The following CTNNA3 variants were observed in gnomAD, a reference collection of about 807,000 sequenced individuals.
CTNNA3 encodes the protein catenin alpha-3.
In CTNNA3, 76 loss-of-function variants were observed where a neutral mutation model predicts 95.7. The observed-to-expected ratio is 0.79, with a 90% CI of 0.66 to 0.96. The LOEUF is 0.96. Among genes scored for constraint, CTNNA3 ranks in the 40% least tolerant of loss-of-function variants. The pLI, the probability that CTNNA3 is intolerant of heterozygous loss-of-function variation, is 0.00. For synonymous variants in CTNNA3, 431 were observed against 374.4 expected (o/e 1.15, Z -1.74); for missense variants, 1,191 against 1,089.8 (o/e 1.09, Z -1.31).
At chr10:66,160,725 TG>T (rs2084799381) in intron 13 of CTNNA3, among the ~76,000 whole-genome samples, 1 of 152,124 alleles carries the variant, frequency 6.6e-6, no homozygotes, top group African/African-American at 2.4e-5. Context: ...TTTAATTCAT[TG>T]TTTCTTTGTT....
intron 13 of CTNNA3, among the ~76,000 whole-genome samples, chr10:66,258,155 T>A (rs1218922603): frequency 6.6e-6 from 1 of 152,206 alleles, no homozygotes; most frequent in Non-Finnish European, 1.5e-5. Context: ...CTCCCTTATG[T>A]GGATGACCCT....
At position 67,726,349 on chromosome 10, in the gene CTNNA3, GAT is replaced by G. The variant is rs1491400276; in HGVS notation, c.-2+37083_-2+37084del. ...ATCTTACATATTATATATAATATAT[GAT>G]ATATATGATATAATATATGATATTA... On this transcript the variant is annotated intron_variant, in intron 1 of 17. Coordinates refer to the CTNNA3 transcript ENST00000684154. 1.2e-4 allele frequency among the ~76,000 whole-genome samples: 5 copies of G among 41,152 alleles called. No individual in the cohort carries two copies. In the East Asian group the frequency reaches 5.7e-3, roughly 47 times the overall value. The allele number at this position is 41,152 out of a possible 152,430, so 27.0% of individuals were successfully genotyped here.
intron 13 of CTNNA3, among the ~76,000 whole-genome samples, chr10:66,165,138 T>C (rs763661847): frequency 5.3e-5 from 8 of 152,108 alleles, no homozygotes; most frequent in Non-Finnish European, 1.2e-4. Context: ...AACTGGAGGC[T>C]GCTATCCTAA....
intron 5 of CTNNA3, among the ~76,000 whole-genome samples, chr10:67,305,912 C>T (rs1449847303): frequency 1.3e-5 from 2 of 152,156 alleles, no homozygotes; most frequent in African/African-American, 4.8e-5. Context: ...TGGCATTTCA[C>T]ACCCAAAACA....
At chr10:66,283,477 A>T (rs1313289245) in intron 12 of CTNNA3, among the ~76,000 whole-genome samples, 3 of 151,832 alleles carry the variant, frequency 2.0e-5, no homozygotes, top group Non-Finnish European at 4.4e-5. Context: ...TCATGTAAAG[A>T]TCTGTTTTTC....
chr10:65,976,592 C>T (rs1403854117), intron 16 of CTNNA3, among the ~76,000 whole-genome samples: 1 of 152,000 alleles, frequency 6.6e-6, no homozygotes, highest in Non-Finnish European at 1.5e-5. Flanking sequence ...GTTTTATAAC[C>T]AAAGTAAAAC....
intron 17 of CTNNA3, among the ~76,000 whole-genome samples, chr10:65,931,310 T>C (rs2077249004): frequency 6.6e-6 from 1 of 152,206 alleles, no homozygotes; most frequent in African/African-American, 2.4e-5. Context: ...AACTGGTAGA[T>C]GTGGGCACTG....
At chr10:67,161,510 A>T (rs1175384372) in intron 7 of CTNNA3, among the ~76,000 whole-genome samples, 1 of 151,892 alleles carries the variant, frequency 6.6e-6, no homozygotes, top group Non-Finnish European at 1.5e-5. Flanking sequence ...TCGATAAACT[A>T]CTAAAATAGC....
chr10:67,598,423 G>A (rs1842987760), intron 3 of CTNNA3, among the ~76,000 whole-genome samples: 1 of 151,942 alleles, frequency 6.6e-6, no homozygotes. Context: ...CCCCATGCAG[G>A]GTTCCCAACT....
At chr10:67,195,016 T>C (rs1006241155) in intron 6 of CTNNA3, among the ~76,000 whole-genome samples, 1 of 151,988 alleles carries the variant, frequency 6.6e-6, no homozygotes, top group African/African-American at 2.4e-5. Context: ...GCTGATTTTA[T>C]ATCTTAGGAT....
chr10:67,193,461 A>G (rs993020480), intron 6 of CTNNA3, among the ~76,000 whole-genome samples: 6 of 151,820 alleles, frequency 4.0e-5, no homozygotes, highest in African/African-American at 1.2e-4. Context: ...ATTAAGCCTA[A>G]TACTCATTCA....
chr10:67,719,736 A>G (rs532336835), intron 1 of CTNNA3, among the ~76,000 whole-genome samples: 2 of 152,114 alleles, frequency 1.3e-5, no homozygotes, highest in Non-Finnish European at 2.9e-5. Flanking sequence ...GGTCAACTTT[A>G]GAATAAGTGC....
intron 7 of CTNNA3, among the ~76,000 whole-genome samples, chr10:66,899,962 A>C (rs1845666925): frequency 6.6e-6 from 1 of 152,176 alleles, no homozygotes; most frequent in South Asian, 2.1e-4. Flanking sequence ...TTCAGACTTA[A>C]AGGCCCCTGT....
intron 13 of CTNNA3, among the ~76,000 whole-genome samples, chr10:66,229,714 G>C (rs2089492180): frequency 6.7e-6 from 1 of 149,798 alleles, no homozygotes; most frequent in Non-Finnish European, 1.5e-5. Context: ...TGTTTGGGTT[G>C]AATTTATTTG....
At chr10:67,541,482 G>C (rs1001062076) in intron 3 of CTNNA3, among the ~76,000 whole-genome samples, 2 of 151,942 alleles carry the variant, frequency 1.3e-5, no homozygotes, top group African/African-American at 4.8e-5. Context: ...GCAATACCAA[G>C]TTAGGAACTA....
chr10:67,552,520 CG>C (rs1841069116), intron 3 of CTNNA3, among the ~76,000 whole-genome samples: 1 of 151,740 alleles, frequency 6.6e-6, no homozygotes, highest in South Asian at 2.1e-4. Context: ...GCTAGAGTCT[CG>C]GGGGTTTTTA....
At chr10:67,311,721 G>T (rs570581203) in intron 5 of CTNNA3, among the ~76,000 whole-genome samples, 112 of 152,058 alleles carry the variant, frequency 7.4e-4, no homozygotes, top group Non-Finnish European at 1.3e-3. Context: ...CACCAAAAAG[G>T]CTGCTAAAAA....
chr10:67,736,324 G>C (rs1841301901), intron 1 of CTNNA3, among the ~76,000 whole-genome samples: 1 of 152,004 alleles, frequency 6.6e-6, no homozygotes, highest in African/African-American at 2.4e-5. Context: ...TGTTTGGGAT[G>C]ATTAAAAAGT....
chr10:67,401,705 T>A (rs1360293662), intron 5 of CTNNA3, among the ~76,000 whole-genome samples: 2 of 152,154 alleles, frequency 1.3e-5, no homozygotes, highest in East Asian at 3.9e-4. Context: ...ATTTCCCCCT[T>A]GCACTGCAGA....
Sources: gnomAD v4.1 joint callset for allele counts (sites outside exome capture counted in the v4.1 genomes callset) on GRCh38, gnomAD v4.1.1 for gene constraint, MANE v1.5 for transcripts, NCBI Gene and HGNC (gene_info 2026-07-23, HGNC 2026-07-21) for gene names.